The following CSMD1 variants were observed in gnomAD, a reference collection of about 807,000 sequenced individuals.
CSMD1 encodes CUB and Sushi multiple domains 1, also known as CUB and sushi domain-containing protein 1.
Under a neutral mutation model 417.5 loss-of-function variants are expected in CSMD1, and 213 were observed. The ratio of observed to expected loss-of-function variants is 0.51; its 90% CI spans 0.46 to 0.57. CSMD1 has a LOEUF of 0.57. Ranked by LOEUF, CSMD1 falls within the 20% of genes least tolerant of loss-of-function variation. The pLI is 0.00. For missense variants in CSMD1, 6,923 were observed against 4,529.7 expected (o/e 1.53, Z -15.17); for synonymous variants, 2,862 against 1,736.8 (o/e 1.65, Z -16.11).
intron 5 of CSMD1, among the ~76,000 whole-genome samples, chr8:3,805,365 G>C (rs768365630): frequency 7.9e-5 from 12 of 152,108 alleles, no homozygotes; most frequent in Non-Finnish European, 1.8e-4. Flanking sequence ...ATTACAAAGA[G>C]AGGAGCCACA....
chr8:3,910,155 C>T (rs1332408201), intron 5 of CSMD1, among the ~76,000 whole-genome samples: 4 of 152,098 alleles, frequency 2.6e-5, no homozygotes, highest in African/African-American at 4.8e-5. Context: ...CAACTTATGT[C>T]GGACACATGT....
At chr8:4,212,369 C>G (rs1800365324) in intron 3 of CSMD1, among the ~76,000 whole-genome samples, 1 of 152,068 alleles carries the variant, frequency 6.6e-6, no homozygotes. Context: ...AGGCTTTACA[C>G]ATAGAGAATC....
rs370882123 is a variant in CSMD1, at chr8:3,367,005, G to A, written c.3115+27C>T. ...AAATGGCAGTATTGTTGCCAGAGGA[G>A]AGAAACAGCAAACAAGACCAACATA... On this transcript the variant is annotated intron_variant, in intron 20 of 69. Coordinates refer to ENST00000635120, the MANE Select transcript of CSMD1 (RefSeq NM_033225.6). The A allele has an allele frequency of 3.2e-6, 5 of 1,560,080 alleles. No individual in the cohort carries two copies. The African/African-American group carries it at 6.8e-5, about 21-fold the overall frequency.
intron 5 of CSMD1, among the ~76,000 whole-genome samples, chr8:3,947,306 C>G (rs142155931): frequency 2.0e-5 from 3 of 152,174 alleles, no homozygotes; most frequent in Non-Finnish European, 4.4e-5. Context: ...CTTTTAATTT[C>G]CAGTCTGTTA....
At chr8:4,707,120 GC>G (rs1207897086) in intron 1 of CSMD1, among the ~76,000 whole-genome samples, 1 of 152,188 alleles carries the variant, frequency 6.6e-6, no homozygotes, top group East Asian at 1.9e-4. Context: ...ACTAAATACA[GC>G]CAGAAAGCTG....
chr8:3,839,522 AATAT>A (rs925915396), intron 5 of CSMD1, among the ~76,000 whole-genome samples: 9 of 70,346 alleles, frequency 1.3e-4, no homozygotes, highest in African/African-American at 3.9e-4. Flanking sequence ...ATAGAATATA[AATAT>A]ATGTTAAGAT....
intron 2 of CSMD1, among the ~76,000 whole-genome samples, chr8:4,472,574 A>G (rs190190808): frequency 4.6e-5 from 7 of 152,266 alleles, no homozygotes; most frequent in African/African-American, 1.7e-4. Flanking sequence ...TTAGAAAGTT[A>G]TTCATCATCA....
At chr8:3,757,069 C>G in intron 5 of CSMD1, among the ~76,000 whole-genome samples, 1 of 152,180 alleles carries the variant, frequency 6.6e-6, no homozygotes, top group East Asian at 1.9e-4. Flanking sequence ...TCTCAGAGTG[C>G]TGGGATTACA....
chr8:3,524,787 C>T (rs998364351), intron 10 of CSMD1, among the ~76,000 whole-genome samples: 1 of 151,434 alleles, frequency 6.6e-6, no homozygotes, highest in African/African-American at 2.4e-5. Flanking sequence ...CACCGAGAGA[C>T]ATGCACACAG....
chr8:4,493,770 C>G lies in CSMD1; in HGVS notation c.303-73705G>C, dbSNP rs143475393. 2.9e-3 allele frequency among the ~76,000 whole-genome samples: 449 copies of G among 152,264 alleles called. 4 individuals are homozygous for G. Among genetic ancestry groups the G allele is most frequent in the African/African-American group, 9.9e-3 (412 of 41,550 alleles). ...AAAAATAATTTAAATAGAATCAACT[C>G]TATCCCTAAGAATAGTATTTACTAA... On this transcript the variant is annotated intron_variant, in intron 2 of 69. Coordinates refer to ENST00000635120, the MANE Select transcript of CSMD1 (RefSeq NM_033225.6).
At chr8:4,985,181 A>T (rs1232668255) in intron 1 of CSMD1, among the ~76,000 whole-genome samples, 1 of 152,132 alleles carries the variant, frequency 6.6e-6, no homozygotes, top group African/African-American at 2.4e-5. Context: ...GGACACATAG[A>T]AGGGAACAAC....
intron 3 of CSMD1, among the ~76,000 whole-genome samples, chr8:4,207,678 C>T (rs1212075507): frequency 2.0e-5 from 3 of 152,012 alleles, no homozygotes; most frequent in African/African-American, 7.2e-5. Flanking sequence ...TGTGCATTCA[C>T]ATGTACATTT....
chr8:3,195,316 G>A (rs372563529), intron 33 of CSMD1, among the ~76,000 whole-genome samples: 3 of 152,154 alleles, frequency 2.0e-5, no homozygotes, highest in African/African-American at 7.2e-5. Flanking sequence ...CTCGGAGCAG[G>A]CAGGAAAGAG....
At chr8:4,976,616 A>G (rs1448665444) in intron 1 of CSMD1, among the ~76,000 whole-genome samples, 1 of 152,204 alleles carries the variant, frequency 6.6e-6, no homozygotes, top group Non-Finnish European at 1.5e-5. Flanking sequence ...AAAGACAAGC[A>G]CATTGTGTGC....
chr8:3,785,671 G>T (rs1799419020), intron 5 of CSMD1, among the ~76,000 whole-genome samples: 1 of 152,166 alleles, frequency 6.6e-6, no homozygotes, highest in African/African-American at 2.4e-5. Context: ...CGCCCTGAGG[G>T]TGAGTGTGGG....
At position 4,687,582 on chromosome 8, in the gene CSMD1, A is replaced by C. The variant is rs909130731; in HGVS notation, c.86-50024T>G. On this transcript the variant is annotated intron_variant, in intron 1 of 69. Coordinates refer to ENST00000635120, the MANE Select transcript of CSMD1 (RefSeq NM_033225.6). ...GAAATTTTATAGGAGCATCACAAGA[A>C]TTTAACAAGAAAGGTAGTTACTCTG... 5.9e-5 allele frequency among the ~76,000 whole-genome samples: 9 copies of C among 152,178 alleles called. No homozygotes were observed. In the East Asian group the frequency reaches 1.7e-3, roughly 29 times the overall value.
intron 12 of CSMD1, among the ~76,000 whole-genome samples, chr8:3,467,074 C>T (rs1816828826): frequency 6.6e-6 from 1 of 152,106 alleles, no homozygotes; most frequent in Non-Finnish European, 1.5e-5. Flanking sequence ...CTCAGGGTGG[C>T]TACTGAGACT....
intron 1 of CSMD1, among the ~76,000 whole-genome samples, chr8:4,955,733 G>A (rs1170416526): frequency 1.4e-5 from 2 of 145,558 alleles, no homozygotes; most frequent in South Asian, 2.2e-4. Flanking sequence ...TGGGATTACA[G>A]GCGTGAGCCA....
intron 25 of CSMD1, among the ~76,000 whole-genome samples, chr8:3,300,519 A>G (rs1033168017): frequency 1.3e-5 from 2 of 152,178 alleles, no homozygotes; most frequent in Admixed American, 1.3e-4. Context: ...GCTTTATAGA[A>G]AGACTTGTAC....
Sources: gnomAD v4.1 joint callset for allele counts (sites outside exome capture counted in the v4.1 genomes callset) on GRCh38, gnomAD v4.1.1 for gene constraint, MANE v1.5 for transcripts, NCBI Gene and HGNC (gene_info 2026-07-23, HGNC 2026-07-21) for gene names.